ABCD2: variants seen among roughly 807,000 people sequenced by gnomAD.
ABCD2 encodes the protein ATP-binding cassette sub-family D member 2.
ABCD2 carries 36 observed loss-of-function variants against 70.9 expected under a neutral mutation model. The observed-to-expected ratio is 0.51, with a 90% CI of 0.39 to 0.67. The LOEUF is 0.67. Ranked by LOEUF, ABCD2 falls within the 30% of genes least tolerant of loss-of-function variation. The pLI is 0.00. For missense variants in ABCD2, 729 were observed against 890.2 expected (o/e 0.82, Z 2.30); for synonymous variants, 304 against 306.9 (o/e 0.99, Z 0.10).
intron 9 of ABCD2, among the ~76,000 whole-genome samples, chr12:39,565,345 A>G (rs1333173066): frequency 6.6e-6 from 1 of 152,172 alleles, no homozygotes. Context: ...GGTCCTTCAC[A>G]TCCCTTGTAA....
chr12:39,600,795 T>C, intron 5 of ABCD2, 79 bp from the exon 6 acceptor site: 1 of 1,326,286 alleles, frequency 7.5e-7, no homozygotes, highest in Non-Finnish European at 1.0e-6. Flanking sequence ...AAATTATTTT[T>C]TTAAAATGTT....
In ABCD2 at chr12:39,552,158, T is replaced by G. The variant is rs1415728554; in HGVS notation, c.*1754A>C. ...GAAAACGTTGGACAAATGTACTGAT[T>G]ATAATTTTATATTGCATTCCTTCAT... On this transcript the variant is annotated 3_prime_UTR_variant, in exon 10 of 10. Coordinates refer to ENST00000308666, the MANE Select transcript of ABCD2 (RefSeq NM_005164.4). 6.6e-6 allele frequency: 1 copy of G among 151,958 alleles called. No individual in the cohort carries two copies. The highest frequency in any genetic ancestry group is 1.5e-5 in the Non-Finnish European group (1 of 67,826). 9.4% of individuals were successfully genotyped at this position (151,958 alleles called of 1,614,324 possible). A position where few individuals can be genotyped will look rare whatever the true frequency, so the allele number is the denominator to read the frequency against.
At chr12:39,580,533 G>A (rs926191062) in intron 7 of ABCD2, among the ~76,000 whole-genome samples, 4 of 151,882 alleles carry the variant, frequency 2.6e-5, no homozygotes, top group Admixed American at 6.6e-5. Flanking sequence ...ATACTTCCAA[G>A]AACAGAATTA....
At chr12:39,547,340 G>T (rs531076375), downstream of ABCD2, among the ~76,000 whole-genome samples, 2 of 152,096 alleles carry the variant, frequency 1.3e-5, no homozygotes, top group South Asian at 2.1e-4. Flanking sequence ...ATATCCAAAA[G>T]AACTGAAAAC....
chr12:39,546,926 G>A (rs1161713027), downstream of ABCD2, among the ~76,000 whole-genome samples: 1 of 152,022 alleles, frequency 6.6e-6, no homozygotes, highest in East Asian at 1.9e-4. Flanking sequence ...AGGATAAGGG[G>A]AAACAGCTAT....
chr12:39,576,192 A>G (rs1054508395), intron 8 of ABCD2, among the ~76,000 whole-genome samples: 3 of 152,120 alleles, frequency 2.0e-5, no homozygotes. Context: ...ACGGAGTCTC[A>G]TACTATTGCC....
At chr12:39,600,454 A>T in intron 6 of ABCD2, 117 bp downstream of exon 6, 1 of 1,035,790 alleles carries the variant, frequency 9.7e-7, no homozygotes, top group Non-Finnish European at 1.4e-6. Context: ...TTATTTCCTT[A>T]ATAGTTTCTC....
chr12:39,600,682 G>A lies in ABCD2; in HGVS notation c.1535C>T (p.Pro512Leu), dbSNP rs763022591. The change falls in exon 6 of 10, where the codon CCC (proline) becomes CTC (leucine). Residue 512 changes from proline (P) to leucine (L), a missense_variant. Transcript: ENST00000308666. ...GAGAGAACTTTTCCCACAACCATTG[G>A]GACCAGTTATCAAAAGATGCATTCC... ...EEGMHLLITGPNGCGKSSLFR... is the reference protein window; with the variant it reads ...EEGMHLLITGLNGCGKSSLFR... 3.7e-6 allele frequency: 6 copies of A among 1,611,216 alleles called. No homozygotes were observed. Among genetic ancestry groups the A allele is most frequent in the Non-Finnish European group, 4.2e-6 (5 of 1,178,854 alleles).
intron 6 of ABCD2, among the ~76,000 whole-genome samples, chr12:39,592,227 T>C (rs1202887569): frequency 2.6e-5 from 4 of 152,234 alleles, no homozygotes; most frequent in African/African-American, 9.6e-5. Flanking sequence ...GCAATGCTAC[T>C]AAGCCTTCCT....
chr12:39,545,869 C>G (rs1391739137), downstream of ABCD2, among the ~76,000 whole-genome samples: 1 of 151,922 alleles, frequency 6.6e-6, no homozygotes, highest in Non-Finnish European at 1.5e-5. Flanking sequence ...GAGAGCTACC[C>G]AAAGAAGCAG....
chr12:39,615,464 T>C (rs902073395), intron 2 of ABCD2, among the ~76,000 whole-genome samples: 1 of 152,028 alleles, frequency 6.6e-6, no homozygotes, highest in African/African-American at 2.4e-5. Flanking sequence ...AAGGATTATG[T>C]CTAAAATACT....
At chr12:39,585,727 A>G (rs1941655177) in intron 7 of ABCD2, among the ~76,000 whole-genome samples, 1 of 152,150 alleles carries the variant, frequency 6.6e-6, no homozygotes, top group Non-Finnish European at 1.5e-5. Flanking sequence ...GAGCAAAAAA[A>G]GATACTGGTC....
downstream of ABCD2, among the ~76,000 whole-genome samples, chr12:39,549,234 G>GT (rs1170564262): frequency 1.1e-4 from 17 of 152,072 alleles, no homozygotes; most frequent in Non-Finnish European, 1.8e-4. Context: ...GCCCAAAAGT[G>GT]TATTATTGAG....
chr12:39,531,244 G>C, the ABCD2 span, among the ~76,000 whole-genome samples: 1 of 152,112 alleles, frequency 6.6e-6, no homozygotes, highest in African/African-American at 2.4e-5. Flanking sequence ...TTAATAAAAT[G>C]AGTTAGTTTC....
chr12:39,606,154 A>C (rs1941966567), intron 3 of ABCD2, among the ~76,000 whole-genome samples: 1 of 152,194 alleles, frequency 6.6e-6, no homozygotes, highest in African/African-American at 2.4e-5. Context: ...CAATTCAAGA[A>C]AGGCAGGAGG....
chr12:39,557,874 T>G (rs1207335597), intron 9 of ABCD2, among the ~76,000 whole-genome samples: 2 of 152,348 alleles, frequency 1.3e-5, no homozygotes, highest in South Asian at 2.1e-4. Context: ...AGAAGTTTGC[T>G]GCAGGGTCAG....
chr12:39,568,002 G>T (rs1199679756), intron 9 of ABCD2, among the ~76,000 whole-genome samples: 1 of 151,800 alleles, frequency 6.6e-6, no homozygotes, highest in African/African-American at 2.4e-5. Flanking sequence ...TCAGCTGTTA[G>T]TCTGATGGGC....
At chr12:39,605,096 G>A (rs796778451) in intron 3 of ABCD2, among the ~76,000 whole-genome samples, 166 bp from the exon 4 acceptor site, 6 of 152,052 alleles carry the variant, frequency 3.9e-5, no homozygotes, top group African/African-American at 1.4e-4. Context: ...CAGTACAAAA[G>A]AGCACTATAA....
In ABCD2 at chr12:39,586,232, T is replaced by C. The variant is rs1488233579; in HGVS notation, c.1712A>G (p.His571Arg). The C allele has an allele frequency of 1.9e-6, 3 of 1,613,588 alleles. No homozygotes were observed. Among genetic ancestry groups the C allele is most frequent in the Non-Finnish European group, 1.7e-6 (2 of 1,179,650 alleles). ...VIYPDSVDDM[H>R]DKGYTDQDLE... ...ATCTTGGTCTGTATAACCTTTATCA[T>C]GCATATCATCCACTGAATCAGGGTA... is the stretch of plus-strand genomic sequence containing the variant. Residue 571 changes from histidine to arginine, a missense_variant, in exon 7 of 10, where the codon CAT becomes CGT. By Grantham distance (29) the His-to-Arg change is conservative. Around this residue, in one of 3 missense-constraint regions of ABCD2, gnomAD observed 289 missense variants for 328.8 expected, o/e 0.88. Transcript: ENST00000308666.
Sources: allele counts gnomAD v4.1 joint callset (sites outside exome capture counted in the v4.1 genomes callset), GRCh38; gene constraint gnomAD v4.1.1; regional missense constraint gnomAD v4.1.1; transcripts MANE v1.5; gene names NCBI Gene and HGNC (gene_info 2026-07-23, HGNC 2026-07-21).